TNIK: variants seen among roughly 807,000 people sequenced by gnomAD.
TNIK encodes TRAF2 and NCK interacting kinase, also known as TRAF2 and NCK-interacting protein kinase.
TNIK carries 49 observed loss-of-function variants against 191.3 expected under a neutral mutation model. The ratio of observed to expected loss-of-function variants is 0.26; its 90% confidence interval spans 0.20 to 0.32. The LOEUF (loss-of-function observed/expected upper bound fraction) is 0.32, where lower values mean the gene tolerates loss of function less well. TNIK is among the 10% of genes least tolerant of loss of function. The pLI is 1.00. For synonymous variants in TNIK, 594 were observed against 600.9 expected (o/e 0.99, Z 0.17); for missense variants, 1,155 against 1,702.3 (o/e 0.68, Z 5.66).
chr3:171,208,392 A>T (rs1740369675), intron 4 of TNIK, among the ~76,000 whole-genome samples: 1 of 152,202 alleles, frequency 6.6e-6, no homozygotes, highest in East Asian at 1.9e-4. Flanking sequence ...TGCTTTTAAA[A>T]TGAAATTACT....
intron 12 of TNIK, among the ~76,000 whole-genome samples, chr3:171,147,374 G>T (rs1276125870): frequency 6.6e-6 from 1 of 152,158 alleles, no homozygotes; most frequent in Non-Finnish European, 1.5e-5. Context: ...TTCTGTATAA[G>T]CTTCACGGGA....
chr3:171,418,287 A>T (rs1227400188), intron 1 of TNIK, among the ~76,000 whole-genome samples: 2 of 152,150 alleles, frequency 1.3e-5, no homozygotes, highest in African/African-American at 4.8e-5. Context: ...AACTTCCATA[A>T]GGACTTACAA....
intron 29 of TNIK, 141 bp from the exon 30 acceptor site, chr3:171,069,138 G>C (rs1718861091): frequency 9.4e-7 from 1 of 1,065,414 alleles, no homozygotes. Flanking sequence ...TTTTAGGTCT[G>C]TTGATATTCT....
At chr3:171,088,003 T>G (rs1721586475) in intron 23 of TNIK, among the ~76,000 whole-genome samples, 1 of 152,240 alleles carries the variant, frequency 6.6e-6, no homozygotes, top group Non-Finnish European at 1.5e-5. Context: ...CTCACAGGGC[T>G]CTTTGTCATT....
intron 2 of TNIK, among the ~76,000 whole-genome samples, chr3:171,361,466 A>AT (rs1714964413): frequency 6.6e-6 from 1 of 152,210 alleles, no homozygotes; most frequent in African/African-American, 2.4e-5. Context: ...CTAATTCATT[A>AT]TACTCAACAG....
intron 2 of TNIK, among the ~76,000 whole-genome samples, chr3:171,338,596 C>G (rs181118075): frequency 7.9e-5 from 12 of 151,940 alleles, no homozygotes; most frequent in Admixed American, 3.3e-4. Context: ...TCAAGTGATT[C>G]TCGTGCCTCA....
chr3:171,408,859 G>A (rs1020889679), intron 1 of TNIK, among the ~76,000 whole-genome samples: 6 of 152,060 alleles, frequency 3.9e-5, no homozygotes, highest in African/African-American at 9.7e-5. Context: ...GCTTTAAATC[G>A]CTATGCAAAT....
chr3:171,250,158 C>T (rs1339931455), intron 2 of TNIK, among the ~76,000 whole-genome samples: 3 of 152,208 alleles, frequency 2.0e-5, no homozygotes, highest in African/African-American at 7.2e-5. Context: ...TTCCCATTTA[C>T]TTCAGTCCAT....
At chr3:171,088,156 A>G (rs953033878) in intron 23 of TNIK, among the ~76,000 whole-genome samples, 1 of 152,224 alleles carries the variant, frequency 6.6e-6, no homozygotes, top group African/African-American at 2.4e-5. Flanking sequence ...TTTGTGATGT[A>G]GGCAGTAACA....
intron 1 of TNIK, among the ~76,000 whole-genome samples, chr3:171,415,563 CA>C (rs1300157854): frequency 1.3e-5 from 2 of 151,802 alleles, no homozygotes; most frequent in East Asian, 1.9e-4. Context: ...GATAAATGCA[CA>C]AAAAAAATTA....
intron 3 of TNIK, among the ~76,000 whole-genome samples, chr3:171,224,053 C>T (rs1231180066): frequency 6.6e-6 from 1 of 152,098 alleles, no homozygotes; most frequent in African/African-American, 2.4e-5. Flanking sequence ...GGACATGGTC[C>T]AAGCTGGACC....
At chr3:171,225,482 C>A in intron 3 of TNIK, 1 of 445,242 alleles carries the variant, frequency 2.2e-6, no homozygotes, top group African/African-American at 2.0e-5. Context: ...TACTATAAAG[C>A]ATCCACTCTA....
chr3:171,237,388 C>T (rs773894928), intron 2 of TNIK, among the ~76,000 whole-genome samples: 2 of 152,028 alleles, frequency 1.3e-5, no homozygotes, highest in East Asian at 1.9e-4. Context: ...ACTGAATCCC[C>T]GCTCTGTTAC....
At chr3:171,164,105 C>A (rs1423886350) in intron 10 of TNIK, among the ~76,000 whole-genome samples, 1 of 152,194 alleles carries the variant, frequency 6.6e-6, no homozygotes, top group Non-Finnish European at 1.5e-5. Context: ...TCTGGTGGCC[C>A]TAAGCCTAAA....
At chr3:171,281,129 A>G (rs1237038294) in intron 2 of TNIK, among the ~76,000 whole-genome samples, 3 of 152,184 alleles carry the variant, frequency 2.0e-5, no homozygotes, top group African/African-American at 4.8e-5. Context: ...GATGGACTAG[A>G]TCTAGGGTCC....
chr3:171,197,613 C>T (rs1738868720), intron 4 of TNIK, among the ~76,000 whole-genome samples: 1 of 152,116 alleles, frequency 6.6e-6, no homozygotes, highest in Non-Finnish European at 1.5e-5. Flanking sequence ...AGACATTCCT[C>T]CAAAGAAGAT....
chr3:171,286,407 A>G (rs570333490), intron 2 of TNIK, among the ~76,000 whole-genome samples: 69 of 152,312 alleles, frequency 4.5e-4, no homozygotes, highest in African/African-American at 1.4e-3. Context: ...GTCATTTTTC[A>G]TAGTCTAAGA....
At chr3:171,095,402 T>G (rs1237874277) in intron 22 of TNIK, among the ~76,000 whole-genome samples, 1 of 152,256 alleles carries the variant, frequency 6.6e-6, no homozygotes, top group Non-Finnish European at 1.5e-5. Context: ...GGATTTTGGT[T>G]GTTAATGCGA....
chr3:171,157,708 G>T (rs1391826303), intron 11 of TNIK, 44 bp from the exon 12 acceptor site: 69 of 1,543,554 alleles, frequency 4.5e-5, no homozygotes, highest in Non-Finnish European at 6.0e-5. Flanking sequence ...TGGGGCAGGG[G>T]CCATGGCTAC....
Sources: allele counts gnomAD v4.1 joint callset (sites outside exome capture counted in the v4.1 genomes callset), GRCh38; gene constraint gnomAD v4.1.1; transcripts MANE v1.5; gene names NCBI Gene and HGNC (gene_info 2026-07-23, HGNC 2026-07-21).